Variants in UBE2B observed in about 807,000 individuals in gnomAD.
UBE2B encodes ubiquitin conjugating enzyme E2 B.
Under a neutral mutation model 24.6 loss-of-function variants are expected in UBE2B, and 11 were observed. That is an observed-to-expected ratio of 0.45 (90% CI 0.28 to 0.74). The LOEUF (loss-of-function observed/expected upper bound fraction) is 0.74, where lower values mean the gene tolerates loss of function less well. Among genes scored for constraint, UBE2B ranks in the 30% least tolerant of loss-of-function variants. The pLI, the probability that UBE2B is intolerant of heterozygous loss-of-function variation, is 0.13. For synonymous variants in UBE2B, 68 were observed against 62.4 expected, an observed-to-expected ratio of 1.09 and a Z score of -0.42; for missense variants, 78 against 185.6, an observed-to-expected ratio of 0.42 and a Z score of 3.37.
chr5:134,388,673 A>G (rs1481117315), intron 5 of UBE2B, among the ~76,000 whole-genome samples: 3 of 152,190 alleles, frequency 2.0e-5, no homozygotes, highest in Non-Finnish European at 2.9e-5. Flanking sequence ...AATGGCTTGG[A>G]AAAACCATAG....
intron 4 of UBE2B, among the ~76,000 whole-genome samples, chr5:134,383,473 C>CTTTTTTTTTTTTT (rs747399191): frequency 1.2e-5 from 1 of 80,032 alleles, no homozygotes; most frequent in Admixed American, 1.4e-4. Flanking sequence ...CCATACCCAG[C>CTTTTTTTTTTTTT]TTTTTTTTTT....
chr5:134,390,441 G>C lies in UBE2B; in HGVS notation c.*88G>C. 6.5e-7 allele frequency: 1 copy of C among 1,543,956 alleles called. No homozygotes were observed. ...GGCTAACAAATTTTAAGTGCCACAGGTTTTAAGGATTCTGCAGAAAAAAAA... is the reference window on the plus strand; with the variant it reads ...GGCTAACAAATTTTAAGTGCCACAGCTTTTAAGGATTCTGCAGAAAAAAAA... On this transcript the variant is annotated 3_prime_UTR_variant, in exon 6 of 6. Coordinates refer to ENST00000265339, the MANE Select transcript of UBE2B (RefSeq NM_003337.4). This position sits in a 1 kb window ranked among gnomAD's most constrained non-coding sequence, Gnocchi z 4.6.
intron 3 of UBE2B, 22 bp downstream of exon 3, chr5:134,376,716 T>C (rs988169579): frequency 6.2e-7 from 1 of 1,605,320 alleles, no homozygotes; most frequent in Non-Finnish European, 8.5e-7. Flanking sequence ...TCATTATGTT[T>C]TCTATAGTGT....
intron 4 of UBE2B, 69 bp from the exon 5 acceptor site, chr5:134,388,256 T>C: frequency 7.6e-7 from 1 of 1,313,274 alleles, no homozygotes; most frequent in Non-Finnish European, 1.1e-6. Flanking sequence ...AGCATTCTGT[T>C]TGGTAAAGAT....
intron 5 of UBE2B, among the ~76,000 whole-genome samples, chr5:134,389,479 C>T (rs1217523141): frequency 6.6e-6 from 1 of 151,896 alleles, no homozygotes; most frequent in Non-Finnish European, 1.5e-5. Context: ...TTAATGAGAA[C>T]GTCTCAATAT....
chr5:134,386,427 C>T (rs1020350066), intron 4 of UBE2B, among the ~76,000 whole-genome samples: 2 of 151,740 alleles, frequency 1.3e-5, no homozygotes, highest in African/African-American at 2.4e-5. Context: ...GTCAGGAGTT[C>T]GAGACCAGCC....
chr5:134,378,489 T>A (rs1758647786), intron 3 of UBE2B, among the ~76,000 whole-genome samples: 1 of 152,178 alleles, frequency 6.6e-6, no homozygotes, highest in Non-Finnish European at 1.5e-5. Context: ...CTTAAACTCC[T>A]GACCTCAGGT....
chr5:134,373,556 A>T (rs1292101661), intron 1 of UBE2B, among the ~76,000 whole-genome samples: 1 of 152,112 alleles, frequency 6.6e-6, no homozygotes, highest in African/African-American at 2.4e-5. Context: ...ATATGTATAC[A>T]CATGTGCCAT....
At chr5:134,384,652 G>A (rs1758767081) in intron 4 of UBE2B, among the ~76,000 whole-genome samples, 1 of 152,038 alleles carries the variant, frequency 6.6e-6, no homozygotes, top group African/African-American at 2.4e-5. Flanking sequence ...ATTCTGCTGA[G>A]TACTTTTTTA....
intron 3 of UBE2B, among the ~76,000 whole-genome samples, chr5:134,377,830 T>C (rs1758634517): frequency 6.6e-6 from 1 of 152,218 alleles, no homozygotes; most frequent in African/African-American, 2.4e-5. Context: ...TTTCGTATCT[T>C]AGAACAAATC....
chr5:134,381,434 GTTTTC>G (rs774225621), intron 4 of UBE2B, among the ~76,000 whole-genome samples: 5 of 151,852 alleles, frequency 3.3e-5, no homozygotes, highest in Admixed American at 3.3e-4. Flanking sequence ...TTTTTTGTTT[GTTTTC>G]TTTTTCTTTT....
chr5:134,385,593 A>G (rs1264467296), intron 4 of UBE2B: 1 of 152,190 alleles, frequency 6.6e-6, no homozygotes, highest in Non-Finnish European at 1.5e-5. Context: ...GAATCAGTCT[A>G]AAAAGGGAAG....
Position 134,390,456 on chromosome 5 carries a change from CAGAAAAAAA to C in UBE2B, c.*112_*120del. 1 of 1,457,540 alleles carries C rather than the reference CAGAAAAAAA, an allele frequency of 6.9e-7. No homozygotes were observed. Among genetic ancestry groups the C allele is most frequent in the Non-Finnish European group, 9.4e-7 (1 of 1,068,140 alleles). The allele number at this position is 1,457,540 out of a possible 1,614,324, so 90.3% of individuals were successfully genotyped here. A position where few individuals can be genotyped will look rare whatever the true frequency, so the allele number is the denominator to read the frequency against. Reference sequence around the variant, plus strand: ...AGTGCCACAGGTTTTAAGGATTCTGCAGAAAAAAAAGAAAAAAGTCCTTCAGTTTAGAAC... The same window carrying C: ...AGTGCCACAGGTTTTAAGGATTCTGCAGAAAAAAGTCCTTCAGTTTAGAAC... On this transcript the variant is annotated 3_prime_UTR_variant, in exon 6 of 6. Transcript: ENST00000265339. The surrounding 1 kb of genome is among the most constrained non-coding windows in gnomAD (Gnocchi z 4.6).
At chr5:134,378,451 G>T (rs1758647344) in intron 3 of UBE2B, among the ~76,000 whole-genome samples, 1 of 152,026 alleles carries the variant, frequency 6.6e-6, no homozygotes, top group South Asian at 2.1e-4. Context: ...GTAGAGATGG[G>T]GTTTCACCAT....
intron 5 of UBE2B, chr5:134,389,998 G>C: frequency 2.0e-6 from 1 of 508,232 alleles, no homozygotes; most frequent in Non-Finnish European, 3.5e-6. Context: ...TAGGTCTTAA[G>C]GCAATTGAGA....
chr5:134,388,454 TG>T (rs774111153), intron 5 of UBE2B, 41 bp downstream of exon 5: 32 of 1,575,796 alleles, frequency 2.0e-5, no homozygotes, highest in Non-Finnish European at 2.6e-5. Flanking sequence ...GTCAGTATTC[TG>T]TAGGATATAG....
chr5:134,386,503 G>A (rs1210934622), intron 4 of UBE2B, among the ~76,000 whole-genome samples: 1 of 151,664 alleles, frequency 6.6e-6, no homozygotes, highest in Non-Finnish European at 1.5e-5. Flanking sequence ...GTGGTGGTGG[G>A]CACCTGTAAT....
rs1561679814 is a variant in UBE2B at position 134,376,707 on chromosome 5, C to G, written c.151+13C>G. 1 of 1,609,014 alleles carries G rather than the reference C, an allele frequency of 6.2e-7. No individual in the cohort carries two copies. The highest frequency in any genetic ancestry group is 8.5e-7 in the Non-Finnish European group (1 of 1,177,374). ...CCTTTTGAAGATGGTAAGTCATACT[C>G]ATTATGTTTTCTATAGTGTTATGAG... On this transcript the variant is annotated intron_variant, in intron 3 of 5. Coordinates refer to ENST00000265339, the MANE Select transcript of UBE2B (RefSeq NM_003337.4).
chr5:134,375,612 C>T lies in UBE2B; in HGVS notation c.126-1057C>T, dbSNP rs979388995. Among the ~76,000 whole-genome samples the T allele has an allele frequency of 5.9e-5, 9 of 151,918 alleles. No individual in the cohort carries two copies. The South Asian group carries it at 1.7e-3, about 28-fold the overall frequency. On this transcript the variant is annotated intron_variant, in intron 2 of 5. Coordinates refer to ENST00000265339, the MANE Select transcript of UBE2B (RefSeq NM_003337.4). ...ACTTTATGCTCCATCCTGGCTAACA[C>T]GGTGAAACCCCGTCTCTACTGAAAA...
Sources: gnomAD v4.1 joint callset for allele counts (sites outside exome capture counted in the v4.1 genomes callset) on GRCh38, gnomAD v4.1.1 for gene constraint, Gnocchi (gnomAD v3.1) non-coding constraint, MANE v1.5 for transcripts, NCBI Gene and HGNC (gene_info 2026-07-23, HGNC 2026-07-21) for gene names.